Variants in COBL observed in about 807,000 individuals in gnomAD.
COBL encodes cordon-bleu WH2 repeat protein, also known as protein cordon-bleu.
In COBL, 51 loss-of-function variants were observed where a neutral mutation model predicts 98.8. That is an observed-to-expected ratio of 0.52 (90% CI 0.41 to 0.65). The LOEUF is 0.65. Ranked by LOEUF, COBL falls within the 30% of genes least tolerant of loss-of-function variation. The pLI is 0.00. For synonymous variants in COBL, 634 were observed against 651.7 expected (o/e 0.97, Z 0.41); for missense variants, 1,617 against 1,617.5 (o/e 1.00, Z 0.01).
intron 7 of COBL, among the ~76,000 whole-genome samples, chr7:51,048,598 G>T (rs1789944849): frequency 6.6e-6 from 1 of 151,566 alleles, no homozygotes; most frequent in Non-Finnish European, 1.5e-5. Context: ...CTACCTAACA[G>T]AATCTTATCC....
chr7:51,100,814 A>AT (rs1456167840), intron 6 of COBL, among the ~76,000 whole-genome samples: 3 of 152,152 alleles, frequency 2.0e-5, no homozygotes, highest in Non-Finnish European at 4.4e-5. Flanking sequence ...GAGGCACAAG[A>AT]ATCACTTGAA....
chr7:51,272,568 T>C (rs1208433219), intron 1 of COBL, among the ~76,000 whole-genome samples: 1 of 152,192 alleles, frequency 6.6e-6, no homozygotes, highest in Non-Finnish European at 1.5e-5. Flanking sequence ...AAATTCAGAA[T>C]ATTGGGAACA....
At chr7:51,093,126 A>G (rs1794966269) in intron 6 of COBL, among the ~76,000 whole-genome samples, 1 of 152,216 alleles carries the variant, frequency 6.6e-6, no homozygotes, top group Admixed American at 6.5e-5. Flanking sequence ...TGCAAACCAT[A>G]TAGCTGATAA....
chr7:51,175,047 C>T (rs1044336841), intron 5 of COBL, among the ~76,000 whole-genome samples: 2 of 152,316 alleles, frequency 1.3e-5, no homozygotes, highest in East Asian at 1.9e-4. Context: ...CTCCTGAATC[C>T]GGACCACCCT....
intron 1 of COBL, among the ~76,000 whole-genome samples, chr7:51,222,477 C>T (rs769256068): frequency 5.3e-5 from 8 of 152,178 alleles, no homozygotes; most frequent in East Asian, 3.9e-4. Flanking sequence ...GCACACCTTC[C>T]CAATGTCACA....
At position 51,027,615 on chromosome 7, in the gene COBL, C is replaced by T. The variant is rs1246328436; in HGVS notation, c.3384+97G>A. ...GTAAGCCTCACTGTTATCCTAATCC[C>T]GTCTCTCTCTCTCCTCCGCTTTATT... On this transcript the variant is annotated intron_variant, in intron 10 of 12. Coordinates refer to ENST00000265136, the MANE Select transcript of COBL (RefSeq NM_015198.5). 16 of 1,042,648 alleles carry T rather than the reference C, an allele frequency of 1.5e-5. No homozygotes were observed. The East Asian group carries it at 2.6e-4, about 17-fold the overall frequency. The allele number at this position is 1,042,648 out of a possible 1,614,324, so 64.6% of individuals were successfully genotyped here. A position where few individuals can be genotyped will look rare whatever the true frequency, so the allele number is the denominator to read the frequency against.
chr7:51,018,265 GTGGTGATGGTGA>G lies in COBL; in HGVS notation c.3769-709_3769-698del, dbSNP rs58597430. ...TGTGGTGGTGACGATGGTGGTGGTGGTGGTGATGGTGATGGTGATGGTGATGGTGGTGGTGAT... is the reference window on the plus strand; with the variant it reads ...TGTGGTGGTGACGATGGTGGTGGTGGTGGTGATGGTGATGGTGGTGGTGAT... On this transcript the variant is annotated intron_variant, in intron 12 of 12. Transcript: ENST00000265136. The G allele has an allele frequency of 1.9e-3, 281 of 150,710 alleles. 1 individual carries two copies. The East Asian group carries it at 0.02, about 11-fold the overall frequency. The allele number at this position is 150,710 out of a possible 1,614,324, so 9.3% of individuals were successfully genotyped here. A position where few individuals can be genotyped will look rare whatever the true frequency, so the allele number is the denominator to read the frequency against.
intron 1 of COBL, among the ~76,000 whole-genome samples, chr7:51,261,823 G>T (rs1797746826): frequency 6.6e-6 from 1 of 152,222 alleles, no homozygotes; most frequent in South Asian, 2.1e-4. Flanking sequence ...GCTGGGAATT[G>T]TGGCATCTGC....
chr7:51,181,884 G>A lies in COBL; in HGVS notation c.783+2218C>T, dbSNP rs371480872. Among the ~76,000 whole-genome samples the A allele has an allele frequency of 1.4e-3, 207 of 151,874 alleles. 3 individuals are homozygous for A. The South Asian group carries it at 0.037, about 27-fold the overall frequency. ...AGAAAGTCCCTTGCAATCCACGGAC[G>A]GGACTGGATCACTGACTGCGCCTTC... On this transcript the variant is annotated intron_variant, in intron 5 of 12. Coordinates refer to ENST00000265136, the MANE Select transcript of COBL (RefSeq NM_015198.5).
intron 1 of COBL, among the ~76,000 whole-genome samples, chr7:51,231,885 T>C (rs1584254901): frequency 1.3e-5 from 2 of 151,974 alleles, no homozygotes. Context: ...CTGCCCCTCA[T>C]CCCCACCCAG....
chr7:51,077,174 C>T (rs925850701), intron 7 of COBL, among the ~76,000 whole-genome samples: 1 of 152,148 alleles, frequency 6.6e-6, no homozygotes, highest in African/African-American at 2.4e-5. Flanking sequence ...CATAAAGCAT[C>T]TGTGTACATG....
At chr7:51,040,473 T>A (rs773831851) in intron 8 of COBL, among the ~76,000 whole-genome samples, 2 of 152,174 alleles carry the variant, frequency 1.3e-5, no homozygotes, top group Non-Finnish European at 2.9e-5. Context: ...TCCTAAAAAC[T>A]AAGGGCAGTA....
intron 1 of COBL, among the ~76,000 whole-genome samples, chr7:51,298,418 C>T (rs1445406861): frequency 6.6e-6 from 1 of 152,248 alleles, no homozygotes. Flanking sequence ...GCCTGCTATT[C>T]AGGGCTAATT....
intron 2 of COBL, among the ~76,000 whole-genome samples, chr7:51,194,865 TG>T (rs1790448270): frequency 1.3e-5 from 2 of 152,092 alleles, no homozygotes; most frequent in Admixed American, 6.5e-5. Context: ...TAATGGGTTT[TG>T]TTTTTTTTTC....
rs533427213 is a variant in COBL at position 51,061,580 on chromosome 7, G to A, written c.1097-17888C>T. Among the ~76,000 whole-genome samples, 8 of 152,174 alleles carry A rather than the reference G, an allele frequency of 5.3e-5. No homozygotes were observed. The South Asian group carries it at 8.3e-4, about 16-fold the overall frequency. On this transcript the variant is annotated intron_variant, in intron 7 of 12. Transcript: ENST00000265136. ...TGCAATGGCTAAGCAAGGGGTGTTCGGGTACGTGGTGAAACGTTATTTCTG... is the reference window on the plus strand; with the variant it reads ...TGCAATGGCTAAGCAAGGGGTGTTCAGGTACGTGGTGAAACGTTATTTCTG...
intron 6 of COBL, among the ~76,000 whole-genome samples, chr7:51,134,956 CTTTTTTT>C (rs983727768): frequency 2.0e-5 from 3 of 149,396 alleles, no homozygotes; most frequent in Admixed American, 6.7e-5. Flanking sequence ...GTATACATTC[CTTTTTTT>C]TTTATTTTTT....
intron 8 of COBL, chr7:51,031,129 GTGTGTGCA>G: frequency 1.8e-6 from 1 of 548,860 alleles, no homozygotes; most frequent in East Asian, 3.0e-5. Context: ...TGCGTGTAGC[GTGTGTGCA>G]TGTGTGGAGT....
intron 1 of COBL, among the ~76,000 whole-genome samples, chr7:51,292,476 T>C (rs1800999261): frequency 6.6e-6 from 1 of 152,260 alleles, no homozygotes. Context: ...AAAAACATAA[T>C]TCAGCCAACC....
intron 6 of COBL, among the ~76,000 whole-genome samples, chr7:51,092,193 G>A (rs928725319): frequency 6.6e-6 from 1 of 152,212 alleles, no homozygotes; most frequent in African/African-American, 2.4e-5. Context: ...ATGATCTGAG[G>A]TGGAACAGTT....
Sources: gnomAD v4.1 joint callset for allele counts (sites outside exome capture counted in the v4.1 genomes callset) on GRCh38, gnomAD v4.1.1 for gene constraint, MANE v1.5 for transcripts, NCBI Gene and HGNC (gene_info 2026-07-23, HGNC 2026-07-21) for gene names.